SAMD3: variants seen among roughly 807,000 people sequenced by gnomAD.
The protein encoded by SAMD3 is sterile alpha motif domain-containing protein 3.
A neutral mutation model predicts 58.5 loss-of-function variants in SAMD3; 63 were observed. The ratio of observed to expected loss-of-function variants is 1.08; its 90% CI spans 0.88 to 1.33. The LOEUF (loss-of-function observed/expected upper bound fraction) is 1.33. Ranked by LOEUF, SAMD3 falls within the 40% of genes most tolerant of loss-of-function variation. SAMD3 has a pLI of 0.00. For missense variants in SAMD3, 604 were observed against 608.4 expected (o/e 0.99, Z 0.08); for synonymous variants, 220 against 210.3 (o/e 1.05, Z -0.40).
intron 1 of SAMD3, among the ~76,000 whole-genome samples, chr6:130,321,612 T>TA (rs1372855422): frequency 7.2e-5 from 11 of 152,352 alleles, no homozygotes; most frequent in African/African-American, 1.2e-4. Flanking sequence ...ATTGTCCTCT[T>TA]ACCTTGTTTT....
At chr6:130,213,252 C>G (rs1332358652) in intron 4 of SAMD3, among the ~76,000 whole-genome samples, 1 of 151,982 alleles carries the variant, frequency 6.6e-6, no homozygotes, top group Admixed American at 6.6e-5. Flanking sequence ...GAGCTATGAT[C>G]CTGCCACAGC....
rs1388777820 is a variant in SAMD3 at position 130,312,374 on chromosome 6, G to C, written c.-188+604C>G. On this transcript the variant is annotated intron_variant, in intron 2 of 13. Transcript: ENST00000368134. ...AAAGGAAAGTAATGCATTGATTCCT[G>C]AATCATGCTTGCTCACCGTACCGTT... 3.3e-5 allele frequency among the ~76,000 whole-genome samples: 5 copies of C among 152,184 alleles called. No individual in the cohort carries two copies. In the East Asian group the frequency reaches 9.6e-4, roughly 29 times the overall value.
intron 1 of SAMD3, among the ~76,000 whole-genome samples, chr6:130,313,653 GTAAATCTGTTCCA>G (rs2114991565): frequency 6.6e-6 from 1 of 152,292 alleles, no homozygotes; most frequent in East Asian, 1.9e-4. Flanking sequence ...CTCTCCAAAG[GTAAATCTGTTCCA>G]TAGAGGTAGA....
rs149797325 is a variant in SAMD3 at position 130,297,498 on chromosome 6, C to T, written c.-188+15480G>A. ...TAAAAGCCAGAGTTCTTGACCCCTC[C>T]GAAGGATTGCATTCTCTTTCTAGCA... On this transcript the variant is annotated intron_variant, in intron 2 of 13. Coordinates refer to the SAMD3 transcript ENST00000368134. 7.2e-3 allele frequency among the ~76,000 whole-genome samples: 1,098 copies of T among 152,234 alleles called. 11 individuals are homozygous for T. The highest frequency in any genetic ancestry group is 0.017 in the Middle Eastern group (5 of 294).
Position 130,259,037 on chromosome 6 carries a change from G to A in SAMD3, c.-187-36224C>T, listed in dbSNP as rs150862104. On this transcript the variant is annotated intron_variant, in intron 2 of 13. Transcript: ENST00000368134. ...GTTAGAAGAGAAATAGAGAGGAGGT[G>A]AGCTGGCCTAGCCCATACAGGTTGG... Among the ~76,000 whole-genome samples, 366 of 152,216 alleles carry A rather than the reference G, an allele frequency of 2.4e-3. 1 individual carries two copies. The highest frequency in any genetic ancestry group is 8.5e-3 in the African/African-American group (353 of 41,530).
intron 1 of SAMD3, among the ~76,000 whole-genome samples, chr6:130,364,407 TACTC>T (rs1403234576): frequency 1.3e-5 from 2 of 152,188 alleles, no homozygotes; most frequent in African/African-American, 2.4e-5. Flanking sequence ...CTATTCCTAT[TACTC>T]ACTCCTTAGA....
intron 1 of SAMD3, chr6:130,221,421 T>A (rs893519097): frequency 6.6e-6 from 1 of 152,534 alleles, no homozygotes; most frequent in East Asian, 1.9e-4. Flanking sequence ...GACTCTGCTA[T>A]GCAGTTGAAA....
Position 130,183,436 on chromosome 6 carries a change from G to C in SAMD3, c.654+667C>G, listed in dbSNP as rs77196309. The stretch of plus-strand genomic sequence containing the variant: ...AGAAAGCAGAGATCTGACAGGGCCA[G>C]GTAAGGCTGGAGGCCCAGACCTCAA... On this transcript the variant is annotated intron_variant, in intron 7 of 11. Coordinates refer to ENST00000439090, the MANE Select transcript of SAMD3 (RefSeq NM_001017373.4). The C allele has an allele frequency of 4.0e-3, 1,801 of 449,360 alleles. 15 individuals are homozygous for C. The highest frequency in any genetic ancestry group is 0.027 in the African/African-American group (1,353 of 49,300). 27.8% of individuals were successfully genotyped at this position (449,360 alleles called of 1,614,324 possible). A position where few individuals can be genotyped will look rare whatever the true frequency, so the allele number is the denominator to read the frequency against.
At chr6:130,263,081 T>A (rs939670959) in intron 2 of SAMD3, among the ~76,000 whole-genome samples, 1 of 152,180 alleles carries the variant, frequency 6.6e-6, no homozygotes. Flanking sequence ...CTAATATAAA[T>A]GTAAAATTTA....
intron 1 of SAMD3, among the ~76,000 whole-genome samples, chr6:130,343,919 C>A (rs1029705619): frequency 6.6e-6 from 1 of 151,764 alleles, no homozygotes; most frequent in Non-Finnish European, 1.5e-5. Context: ...GAACCGAGGT[C>A]GCACCACTGT....
At chr6:130,365,356 A>G in exon 1 of SAMD3, 1 of 985,396 alleles carries the variant, frequency 1.0e-6, no homozygotes, top group South Asian at 4.7e-5. Context: ...CGCCCCCCCA[A>G]GCCGTTCTCC....
intron 2 of SAMD3, among the ~76,000 whole-genome samples, chr6:130,306,316 T>C (rs1486034016): frequency 1.3e-5 from 2 of 152,208 alleles, no homozygotes; most frequent in African/African-American, 4.8e-5. Context: ...ATTAAATTTA[T>C]TACAAAGTTG....
intron 1 of SAMD3, among the ~76,000 whole-genome samples, chr6:130,360,029 A>G (rs924971310): frequency 6.6e-6 from 1 of 152,188 alleles, no homozygotes; most frequent in Non-Finnish European, 1.5e-5. Flanking sequence ...TAAACTAAAA[A>G]TTGAAGGAGT....
At chr6:130,212,854 C>T (rs1795686480) in intron 4 of SAMD3, among the ~76,000 whole-genome samples, 1 of 152,234 alleles carries the variant, frequency 6.6e-6, no homozygotes, top group African/African-American at 2.4e-5. Flanking sequence ...ACTTTGATCT[C>T]TCTTTCAGGT....
rs189795588 is a variant in SAMD3, at chr6:130,192,897, C to A, written c.384-8274G>T. Among the ~76,000 whole-genome samples, 15 of 152,314 alleles carry A rather than the reference C, an allele frequency of 9.8e-5. No individual in the cohort carries two copies. In the East Asian group the frequency reaches 2.9e-3, roughly 29 times the overall value. The stretch of plus-strand genomic sequence containing the variant: ...TTTTACTTACTTCTCCAACCTCCCT[C>A]ACTATCCCTCAACCTCTTTCTCCTT... On this transcript the variant is annotated intron_variant, in intron 5 of 11. Transcript: ENST00000439090.
chr6:130,169,874 G>T lies in SAMD3; in HGVS notation c.822+5967C>A, dbSNP rs966806257. Among the ~76,000 whole-genome samples, 6 of 152,184 alleles carry T rather than the reference G, an allele frequency of 3.9e-5. No homozygotes were observed. The South Asian group carries it at 1.0e-3, about 26-fold the overall frequency. On this transcript the variant is annotated intron_variant, in intron 8 of 11. Coordinates refer to ENST00000439090, the MANE Select transcript of SAMD3 (RefSeq NM_001017373.4). ...CTGGGGACAACTGCTGGGGACAATT[G>T]ATTTTACCATTCATCAATTCCGTTG... is the stretch of plus-strand genomic sequence containing the variant.
chr6:130,189,745 T>C (rs1793356890), intron 5 of SAMD3, among the ~76,000 whole-genome samples: 1 of 152,256 alleles, frequency 6.6e-6, no homozygotes, highest in South Asian at 2.1e-4. Flanking sequence ...GAGCTCCCAC[T>C]GGACCAGCTG....
intron 2 of SAMD3, among the ~76,000 whole-genome samples, chr6:130,304,828 T>C (rs748035062): frequency 6.6e-6 from 1 of 152,090 alleles, no homozygotes; most frequent in Non-Finnish European, 1.5e-5. Context: ...TTTTAAGATA[T>C]CTTTCAATAA....
At chr6:130,314,203 A>C (rs1046972108) in intron 1 of SAMD3, among the ~76,000 whole-genome samples, 4 of 152,176 alleles carry the variant, frequency 2.6e-5, no homozygotes, top group Non-Finnish European at 2.9e-5. Context: ...GGTACAAAAA[A>C]CACTCTTTTC....
Sources: gnomAD v4.1 joint callset for allele counts (sites outside exome capture counted in the v4.1 genomes callset) on GRCh38, gnomAD v4.1.1 for gene constraint, MANE v1.5 for transcripts, NCBI Gene and HGNC (gene_info 2026-07-23, HGNC 2026-07-21) for gene names.